The following CNTNAP5 variants were observed in gnomAD, a reference collection of about 807,000 sequenced individuals.
CNTNAP5 encodes contactin associated protein family member 5, also known as contactin-associated protein-like 5.
Under a neutral mutation model 150.2 loss-of-function variants are expected in CNTNAP5, and 72 were observed. The ratio of observed to expected loss-of-function variants is 0.48; its 90% CI spans 0.40 to 0.58. The LOEUF is 0.58. Ranked by LOEUF, CNTNAP5 falls within the 20% of genes least tolerant of loss-of-function variation. The pLI is 0.00. For synonymous variants in CNTNAP5, 672 were observed against 619.8 expected, an observed-to-expected ratio of 1.08 and a Z score of -1.25; for missense variants, 1,636 against 1,626.2, an observed-to-expected ratio of 1.01 and a Z score of -0.10.
chr2:124,717,742 T>C (rs1204140498), intron 13 of CNTNAP5, among the ~76,000 whole-genome samples: 1 of 152,172 alleles, frequency 6.6e-6, no homozygotes, highest in East Asian at 1.9e-4. Flanking sequence ...GCCTGAACGA[T>C]GTTTGAAAGT....
chr2:124,504,240 G>T, intron 7 of CNTNAP5, 52 bp from the exon 8 acceptor site: 1 of 1,572,904 alleles, frequency 6.4e-7, no homozygotes. Context: ...TCAGCTGTCA[G>T]ATTGCGGAAT....
chr2:124,804,547 T>C (rs1032599865), intron 19 of CNTNAP5, among the ~76,000 whole-genome samples: 1 of 152,138 alleles, frequency 6.6e-6, no homozygotes. Context: ...AATTATAAGA[T>C]CGGAGCCCTA....
At chr2:124,724,754 C>CA (rs1293683892) in intron 13 of CNTNAP5, among the ~76,000 whole-genome samples, 2 of 151,864 alleles carry the variant, frequency 1.3e-5, no homozygotes, top group Non-Finnish European at 2.9e-5. Flanking sequence ...AAGCCCAGCT[C>CA]AAAAAAGTAG....
intron 3 of CNTNAP5, among the ~76,000 whole-genome samples, chr2:124,312,975 G>A (rs987934176): frequency 3.9e-5 from 6 of 152,216 alleles, no homozygotes; most frequent in African/African-American, 1.2e-4. Flanking sequence ...AAAATGTTGG[G>A]ATTACAGGCG....
At chr2:124,823,511 T>C (rs1269455103) in intron 19 of CNTNAP5, among the ~76,000 whole-genome samples, 5 of 152,176 alleles carry the variant, frequency 3.3e-5, no homozygotes, top group Non-Finnish European at 5.9e-5. Flanking sequence ...TGTTTAACCT[T>C]GATTTTATTG....
intron 1 of CNTNAP5, among the ~76,000 whole-genome samples, chr2:124,166,623 G>C (rs898965265): frequency 6.6e-6 from 1 of 152,070 alleles, no homozygotes; most frequent in Non-Finnish European, 1.5e-5. Context: ...CTCTATTATT[G>C]TGCCAATAAT....
chr2:124,851,226 G>T (rs1237239412), intron 19 of CNTNAP5, among the ~76,000 whole-genome samples: 1 of 152,074 alleles, frequency 6.6e-6, no homozygotes, highest in Non-Finnish European at 1.5e-5. Context: ...TGTGGTGACA[G>T]GTGCCTGTAA....
intron 3 of CNTNAP5, among the ~76,000 whole-genome samples, chr2:124,279,160 C>T (rs1687955845): frequency 6.6e-6 from 1 of 151,928 alleles, no homozygotes; most frequent in African/African-American, 2.4e-5. Context: ...TTTTCATCTT[C>T]AAGTGTTCTA....
intron 3 of CNTNAP5, among the ~76,000 whole-genome samples, chr2:124,253,755 A>G (rs1417239358): frequency 6.6e-6 from 1 of 152,052 alleles, no homozygotes; most frequent in African/African-American, 2.4e-5. Flanking sequence ...GTAGACTCCA[A>G]ATTATTTTTT....
At chr2:124,058,603 C>T (rs1681919738) in intron 1 of CNTNAP5, among the ~76,000 whole-genome samples, 1 of 152,140 alleles carries the variant, frequency 6.6e-6, no homozygotes, top group Non-Finnish European at 1.5e-5. Context: ...TTGTATATAT[C>T]TCACTGCATT....
intron 7 of CNTNAP5, among the ~76,000 whole-genome samples, chr2:124,487,065 G>A (rs1034634130): frequency 6.6e-6 from 1 of 152,060 alleles, no homozygotes; most frequent in Admixed American, 6.6e-5. Flanking sequence ...CCTTAGTTCA[G>A]CTCATCACTC....
intron 1 of CNTNAP5, among the ~76,000 whole-genome samples, chr2:124,129,632 G>A (rs11896568): frequency 2.0e-5 from 3 of 151,986 alleles, no homozygotes; most frequent in Non-Finnish European, 2.9e-5. Flanking sequence ...GTTAAAGATG[G>A]TATTAAATAT....
chr2:124,559,418 G>A (rs1013412914), intron 10 of CNTNAP5, among the ~76,000 whole-genome samples: 3 of 152,106 alleles, frequency 2.0e-5, no homozygotes, highest in Non-Finnish European at 4.4e-5. Flanking sequence ...ACATCACCAG[G>A]GCTTTGGGGA....
chr2:124,640,706 A>G (rs1313742610), intron 12 of CNTNAP5, among the ~76,000 whole-genome samples: 2 of 152,182 alleles, frequency 1.3e-5, no homozygotes, highest in African/African-American at 2.4e-5. Context: ...GTACCCCCTC[A>G]GTAAAGGTTC....
intron 10 of CNTNAP5, among the ~76,000 whole-genome samples, chr2:124,548,690 CTG>C (rs1466892317): frequency 6.6e-6 from 1 of 151,898 alleles, no homozygotes; most frequent in East Asian, 1.9e-4. Context: ...CAGTCTATGA[CTG>C]TGTCACAAAA....
rs544378115 is a variant in CNTNAP5, at chr2:124,275,149, AC to A, written c.381+32761del. 1.7e-3 allele frequency among the ~76,000 whole-genome samples: 264 copies of A among 151,940 alleles called. 2 individuals are homozygous for A. The highest frequency in any genetic ancestry group is 3.0e-3 in the Non-Finnish European group (205 of 67,984). ...CATGAGAACAGCATGAGAAAGACCC[AC>A]CCCCATGATTCAATTACCTGACACT... On this transcript the variant is annotated intron_variant, in intron 3 of 23. Coordinates refer to ENST00000682447, the MANE Select transcript of CNTNAP5 (RefSeq NM_001367498.1).
chr2:124,599,994 C>T (rs940572914), intron 11 of CNTNAP5, among the ~76,000 whole-genome samples: 1 of 151,762 alleles, frequency 6.6e-6, no homozygotes, highest in Non-Finnish European at 1.5e-5. Context: ...CAGAGCTTAC[C>T]TTAGATTAGT....
chr2:124,763,628 A>T, intron 14 of CNTNAP5, 44 bp from the exon 15 acceptor site: 1 of 1,579,710 alleles, frequency 6.3e-7, no homozygotes, highest in Non-Finnish European at 8.6e-7. Flanking sequence ...TCCCTAGATT[A>T]TCCACATTTT....
Position 124,900,032 on chromosome 2 carries a change from A to T in CNTNAP5, c.3437-2850A>T, listed in dbSNP as rs188002123. Reference sequence around the variant, plus strand: ...TTGCTTAAATACAGTTTGGCATTTAAAATCATAAAGACTTGGGTTTAAATC... The same window carrying T: ...TTGCTTAAATACAGTTTGGCATTTATAATCATAAAGACTTGGGTTTAAATC... On this transcript the variant is annotated intron_variant, in intron 21 of 23. Coordinates refer to ENST00000682447, the MANE Select transcript of CNTNAP5 (RefSeq NM_001367498.1). Among the ~76,000 whole-genome samples the T allele has an allele frequency of 2.6e-3, 388 of 151,428 alleles. 18 individuals carry two copies. The highest frequency in any genetic ancestry group is 8.5e-3 in the African/African-American group (346 of 40,868).
Sources: allele counts gnomAD v4.1 joint callset (sites outside exome capture counted in the v4.1 genomes callset), GRCh38; gene constraint gnomAD v4.1.1; transcripts MANE v1.5; gene names NCBI Gene and HGNC (gene_info 2026-07-23, HGNC 2026-07-21).